The following ZNF529 variants were observed in gnomAD, a reference collection of about 807,000 sequenced individuals.
The protein encoded by ZNF529 is zinc finger protein 529.
In ZNF529, 11 loss-of-function variants were observed where a neutral mutation model predicts 10.1. That is an observed-to-expected ratio of 1.09 (90% CI 0.69 to 1.81). The LOEUF (loss-of-function observed/expected upper bound fraction) is 1.81. ZNF529 is among the 40% of genes most tolerant of loss of function. The pLI, the probability that ZNF529 is intolerant of heterozygous loss-of-function variation, is 0.00. For synonymous variants in ZNF529, 204 were observed against 215.7 expected, an observed-to-expected ratio of 0.95 and a Z score of 0.47; for missense variants, 624 against 666.8, an observed-to-expected ratio of 0.94 and a Z score of 0.71.
intron 4 of ZNF529, among the ~76,000 whole-genome samples, chr19:36,548,593 A>G (rs1487559340): frequency 6.6e-6 from 1 of 152,236 alleles, no homozygotes; most frequent in Non-Finnish European, 1.5e-5. Flanking sequence ...TAGATGTAGA[A>G]CTAGTCATTA....
Position 36,547,183 on chromosome 19 carries a change from A to C in ZNF529, c.1375T>G (p.Phe459Val). ...TGAATAAGGGCTGACGTAAGTCTAA[A>C]GAACTTTCCACACTCCTTACATTCA... ...PYECKECGKF[F>V]RLTSALIQHQ... The change falls in exon 5 of 5, where the codon TTT (phenylalanine) becomes GTT (valine). Residue 459 changes from phenylalanine to valine, a missense_variant. Transcript: ENST00000591340. 1 of 1,613,302 alleles carries C rather than the reference A, an allele frequency of 6.2e-7. No individual in the cohort carries two copies. Among genetic ancestry groups the C allele is most frequent in the Non-Finnish European group, 8.5e-7 (1 of 1,179,406 alleles).
intron 2 of ZNF529, among the ~76,000 whole-genome samples, chr19:36,567,806 T>G (rs2035953952): frequency 6.6e-6 from 1 of 152,102 alleles, no homozygotes; most frequent in African/African-American, 2.4e-5. Context: ...AAAATTTTGA[T>G]GAATTAGGAT....
In ZNF529 at chr19:36,554,784, G is replaced by A. The variant is rs569502772; in HGVS notation, c.121C>T (p.Leu41Phe). 22 of 1,561,162 alleles carry A rather than the reference G, an allele frequency of 1.4e-5. No homozygotes were observed. The African/African-American group carries it at 1.8e-4, about 13-fold the overall frequency. Residue 41 changes from leucine (L) to phenylalanine (F), a missense_variant, in exon 4 of 5, where the codon CTC (leucine) becomes TTC (phenylalanine). Physicochemically the swap from Leu to Phe is conservative, Grantham distance 22. Transcript: ENST00000591340. ...GAGAAGTTGATGACCACATCCCTGAGTGTCACCAGTTCCTGAAACAACAAA... is the reference window on the plus strand; with the variant it reads ...GAGAAGTTGATGACCACATCCCTGAATGTCACCAGTTCCTGAAACAACAAA... ...VLTMDHELVT[L>F]RDVVINFSQE... is the part of the protein sequence containing the mutation.
At position 36,546,235 on chromosome 19, in the gene ZNF529, A is replaced by AGTGTGTGTGT. The variant is rs34179809; in HGVS notation, c.*621_*630dup. The AGTGTGTGTGT allele has an allele frequency of 6.8e-6, 1 of 148,010 alleles. No individual in the cohort carries two copies. The highest frequency in any genetic ancestry group is 6.8e-5 in the Admixed American group (1 of 14,756). The allele number at this position is 148,010 out of a possible 1,614,324, so 9.2% of individuals were successfully genotyped here. ...ATGTGTATATACACTATATGTATAT[A>AGTGTGTGTGT]GTGTGTGTGTGTGTGTGTGTGTGTT... On this transcript the variant is annotated 3_prime_UTR_variant, in exon 5 of 5. Coordinates refer to ENST00000591340, the MANE Select transcript of ZNF529 (RefSeq NM_020951.5).
upstream of ZNF529, among the ~76,000 whole-genome samples, chr19:36,574,017 G>A (rs1456562420): frequency 2.0e-5 from 3 of 152,240 alleles, no homozygotes; most frequent in Admixed American, 6.5e-5. Context: ...CTTAGGGCGT[G>A]TTTTACACTG....
chr19:36,569,739 A>G (rs2036028699), intron 2 of ZNF529, among the ~76,000 whole-genome samples: 1 of 152,244 alleles, frequency 6.6e-6, no homozygotes, highest in Non-Finnish European at 1.5e-5. Context: ...ACTGCACTCC[A>G]GCCTGGGTGA....
chr19:36,601,497 A>G (rs2036923263), intron 1 of ZNF529, among the ~76,000 whole-genome samples: 1 of 152,010 alleles, frequency 6.6e-6, no homozygotes. Flanking sequence ...GGCTGTAGTG[A>G]GCTATGATCG....
At chr19:36,549,713 T>A (rs2145791058) in intron 4 of ZNF529, among the ~76,000 whole-genome samples, 1 of 152,336 alleles carries the variant, frequency 6.6e-6, no homozygotes, top group South Asian at 2.1e-4. Flanking sequence ...AATCGGGATG[T>A]GTTATTTACT....
intron 2 of ZNF529, among the ~76,000 whole-genome samples, chr19:36,588,848 T>C (rs1041425473): frequency 2.6e-5 from 4 of 152,116 alleles, no homozygotes; most frequent in Non-Finnish European, 4.4e-5. Flanking sequence ...GTAATATCCT[T>C]TATAATAAAC....
chr19:36,548,086 G>A lies in ZNF529; in HGVS notation c.472C>T (p.Leu158Phe). The change falls in exon 5 of 5, where the codon CTT (leucine) becomes TTT (phenylalanine). Residue 158 changes from leucine (L) to phenylalanine (F), a missense_variant. Transcript: ENST00000591340. ...NVPSYKTHES[L>F]TLPRRTHDSE... ...TCATGAGTTCTCCGAGGTAAAGTAA[G>A]AGATTCATGAGTTTTGTAACTGGGC... 6.2e-7 allele frequency: 1 copy of A among 1,613,838 alleles called. No homozygotes were observed. Among genetic ancestry groups the A allele is most frequent in the South Asian group, 1.1e-5 (1 of 91,076 alleles).
chr19:36,561,337 G>A (rs1040694028), intron 2 of ZNF529, among the ~76,000 whole-genome samples: 2 of 152,026 alleles, frequency 1.3e-5, no homozygotes, highest in Non-Finnish European at 2.9e-5. Context: ...TTGCAAGTGT[G>A]CAGAGTGCAC....
At chr19:36,583,496 T>TAAAAAC (rs1470525778) in intron 2 of ZNF529, among the ~76,000 whole-genome samples, 1 of 151,098 alleles carries the variant, frequency 6.6e-6, no homozygotes, top group Non-Finnish European at 1.5e-5. Context: ...GAAAAACCCT[T>TAAAAAC]AAAAACAAAA....
At chr19:36,587,611 A>G (rs2036609964) in intron 2 of ZNF529, among the ~76,000 whole-genome samples, 1 of 152,208 alleles carries the variant, frequency 6.6e-6, no homozygotes, top group African/African-American at 2.4e-5. Flanking sequence ...CAACCTAAAC[A>G]TCCGTCAGCT....
Position 36,562,473 on chromosome 19 carries a change from G to T in ZNF529, c.15-6276C>A, listed in dbSNP as rs191148347. ...GTACATGAGAAAGACATGAATATAG[G>T]GGGGGTCCAGGGGCAGAATGTAACA... On this transcript the variant is annotated intron_variant, in intron 2 of 4. Transcript: ENST00000591340. Among the ~76,000 whole-genome samples, 847 of 151,980 alleles carry T rather than the reference G, an allele frequency of 5.6e-3. 26 individuals are homozygous for T. The highest frequency in any genetic ancestry group is 0.038 in the Admixed American group (575 of 15,252).
intron 1 of ZNF529, among the ~76,000 whole-genome samples, chr19:36,604,624 A>T (rs943930772): frequency 1.3e-5 from 2 of 152,148 alleles, no homozygotes; most frequent in Non-Finnish European, 2.9e-5. Context: ...AGATCGAGCC[A>T]TACGGGGACC....
intron 1 of ZNF529, among the ~76,000 whole-genome samples, chr19:36,600,758 G>A (rs1379991927): frequency 6.6e-6 from 1 of 152,134 alleles, no homozygotes; most frequent in Admixed American, 6.6e-5. Flanking sequence ...AATTATTCCA[G>A]GTGAAGTATC....
chr19:36,567,134 G>A (rs946656685), intron 2 of ZNF529, among the ~76,000 whole-genome samples: 4 of 152,100 alleles, frequency 2.6e-5, no homozygotes, highest in Admixed American at 2.0e-4. Context: ...TGTGGGGCAC[G>A]GAATATGGAT....
chr19:36,552,247 G>A (rs1451503448), intron 4 of ZNF529, among the ~76,000 whole-genome samples: 1 of 152,010 alleles, frequency 6.6e-6, no homozygotes, highest in Non-Finnish European at 1.5e-5. Context: ...TGGCTAACAC[G>A]GTGATACCCC....
chr19:36,602,267 C>T (rs539039857), intron 1 of ZNF529, among the ~76,000 whole-genome samples: 3 of 151,038 alleles, frequency 2.0e-5, no homozygotes, highest in South Asian at 4.2e-4. Context: ...AGGCTGGTGT[C>T]GAACTCCCGA....
Sources: allele counts gnomAD v4.1 joint callset (sites outside exome capture counted in the v4.1 genomes callset), GRCh38; gene constraint gnomAD v4.1.1; transcripts MANE v1.5; gene names NCBI Gene and HGNC (gene_info 2026-07-23, HGNC 2026-07-21).